Variants in GPR18 observed in about 807,000 individuals in gnomAD.
GPR18 encodes the protein G protein-coupled receptor 18, also known as N-arachidonyl glycine receptor.
GPR18 carries 20 observed loss-of-function variants against 22.8 expected under a neutral mutation model. The ratio of observed to expected loss-of-function variants is 0.88; its 90% confidence interval spans 0.62 to 1.28. GPR18 has a LOEUF of 1.28. GPR18 is among the 50% of genes most tolerant of loss of function. GPR18 has a pLI of 0.00. For missense variants in GPR18, 379 were observed against 412.0 expected (o/e 0.92, Z 0.69); for synonymous variants, 160 against 155.3 (o/e 1.03, Z -0.22).
At position 99,255,302 on chromosome 13, in the gene GPR18, G is replaced by A. The variant is rs955035338; in HGVS notation, c.571C>T (p.Arg191Ter). 3.7e-6 allele frequency: 6 copies of A among 1,613,996 alleles called. No homozygotes were observed. Among genetic ancestry groups the A allele is most frequent in the Admixed American group, 3.3e-5 (2 of 59,986 alleles). ...LKAVNVLNLT[R>*]LTFFFLIPLF... Reference sequence around the variant, plus strand: ...GGAATCAAGAAAAAAAATGTCAGTCGAGTGAGGTTCAGCACGTTCACAGCT... The same window carrying A: ...GGAATCAAGAAAAAAAATGTCAGTCAAGTGAGGTTCAGCACGTTCACAGCT... Residue 191 changes from arginine to a stop codon, truncating the protein, a stop_gained, in exon 2 of 2, where the codon CGA (arginine) becomes TGA (stop). Coordinates refer to ENST00000397470, the MANE Select transcript of GPR18 (RefSeq NM_001098200.2). LOFTEE classifies it high-confidence loss of function.
In GPR18 at chr13:99,254,941, C is replaced by A. The variant is rs767096993; in HGVS notation, c.932G>T (p.Arg311Leu). The change falls in exon 2 of 2, where the codon CGC (arginine) becomes CTC (leucine). Residue 311 changes from arginine to leucine, a missense_variant. Transcript: ENST00000397470. ...ACTACCAGATCGGAAACTTTTTCTG[C>A]GCATGCTTCGAAGGTAATTACGGTA... ...MLYRNYLRSM[R>L]RKSFRSGSLR... The A allele has an allele frequency of 9.2e-5, 148 of 1,613,798 alleles. No homozygotes were observed. Among genetic ancestry groups the A allele is most frequent in the Non-Finnish European group, 1.2e-4 (142 of 1,179,910 alleles).
chr13:99,257,308 A>C (rs565962966), intron 1 of GPR18, among the ~76,000 whole-genome samples: 2 of 152,326 alleles, frequency 1.3e-5, no homozygotes, highest in South Asian at 2.1e-4. Flanking sequence ...TTGGAGGCTT[A>C]AATCTTATTT....
At chr13:99,256,560 A>G (rs1057056107) in intron 1 of GPR18, 1 of 152,164 alleles carries the variant, frequency 6.6e-6, no homozygotes, top group South Asian at 2.1e-4. Context: ...TCATATCCTC[A>G]TTCCATCTAG....
chr13:99,255,123 G>A lies in GPR18; in HGVS notation c.750C>T (p.Ile250=). Residue 250 remains isoleucine (I), a synonymous_variant, in exon 2 of 2, where the codon ATC becomes ATT. Transcript: ENST00000397470. The part of the protein sequence containing the change: ...QVLVCFMPFH[I]CFAFLMLGTG... ...TTCCCAGCATCAGGAAAGCGAAACA[G>A]ATGTGGAAGGGCATAAAGCAGACGA... 1 of 1,614,174 alleles carries A rather than the reference G, an allele frequency of 6.2e-7. No homozygotes were observed. The highest frequency in any genetic ancestry group is 1.1e-5 in the South Asian group (1 of 91,078).
Position 99,255,818 on chromosome 13 carries a change from C to G in GPR18, c.55G>C (p.Asp19His). 1 of 1,608,338 alleles carries G rather than the reference C, an allele frequency of 6.2e-7. No individual in the cohort carries two copies. The highest frequency in any genetic ancestry group is 8.5e-7 in the Non-Finnish European group (1 of 1,177,232). Reference sequence around the variant, plus strand: ...ACAAGGGCTGCAATTTTGTATTCATCTGGATGTGAGCTGTTAAAAGGGACA... The same window carrying G: ...ACAAGGGCTGCAATTTTGTATTCATGTGGATGTGAGCTGTTAAAAGGGACA... ...QPVPFNSSHP[D>H]EYKIAALVFY... The change falls in exon 2 of 2, where the codon GAT becomes CAT. Residue 19 changes from aspartate to histidine, a missense_variant. Transcript: ENST00000397470.
chr13:99,257,776 A>C (rs1346591238), intron 1 of GPR18, among the ~76,000 whole-genome samples: 1 of 152,214 alleles, frequency 6.6e-6, no homozygotes, highest in South Asian at 2.1e-4. Flanking sequence ...CTAAATATAC[A>C]TATGATTTAC....
intron 1 of GPR18, among the ~76,000 whole-genome samples, chr13:99,257,113 C>A (rs2043576337): frequency 6.6e-6 from 1 of 152,118 alleles, no homozygotes; most frequent in South Asian, 2.1e-4. Flanking sequence ...CCCTTTCTTC[C>A]CTTCTTCTCC....
Position 99,254,950 on chromosome 13 carries a change from C to T in GPR18, c.923G>A (p.Arg308Gln), listed in dbSNP as rs2043516399. 4 of 1,613,864 alleles carry T rather than the reference C, an allele frequency of 2.5e-6. No homozygotes were observed. The highest frequency in any genetic ancestry group is 4.5e-5 in the East Asian group (2 of 44,874). Reference protein sequence around the residue: ...ISVMLYRNYLRSMRRKSFRSG... With the variant: ...ISVMLYRNYLQSMRRKSFRSG... ...TCGGAAACTTTTTCTGCGCATGCTT[C>T]GAAGGTAATTACGGTATAGCATGAC... The change falls in exon 2 of 2, where the codon CGA becomes CAA. Residue 308 changes from arginine (R) to glutamine (Q), a missense_variant. Physicochemically the swap from Arg to Gln is conservative, Grantham distance 43. Coordinates refer to ENST00000397470, the MANE Select transcript of GPR18 (RefSeq NM_001098200.2).
Position 99,255,500 on chromosome 13 carries a change from G to A in GPR18, c.373C>T (p.Gln125Ter), listed in dbSNP as rs111938999. ...ISADRYMAIV[Q>*]PKYAKELKNT... ...TTAAGTTCTTTGGCGTACTTCGGCTGTACAATGGCCATGTATCTGTCAGCA... is the reference window on the plus strand; with the variant it reads ...TTAAGTTCTTTGGCGTACTTCGGCTATACAATGGCCATGTATCTGTCAGCA... Residue 125 changes from glutamine to a stop codon, truncating the protein, a stop_gained, in exon 2 of 2, where the codon CAG becomes TAG. Coordinates refer to ENST00000397470, the MANE Select transcript of GPR18 (RefSeq NM_001098200.2). LOFTEE classifies it high-confidence loss of function. 2.5e-6 allele frequency: 4 copies of A among 1,614,002 alleles called. No individual in the cohort carries two copies. The African/African-American group carries it at 4.0e-5, about 16-fold the overall frequency.
chr13:99,257,848 T>C (rs542855618), intron 1 of GPR18, among the ~76,000 whole-genome samples: 1 of 152,352 alleles, frequency 6.6e-6, no homozygotes, highest in South Asian at 2.1e-4. Flanking sequence ...TAAAGCAATA[T>C]TGAAAATAAA....
chr13:99,256,163 A>AT (rs2043552426), intron 1 of GPR18, among the ~76,000 whole-genome samples: 2 of 152,232 alleles, frequency 1.3e-5, no homozygotes, highest in South Asian at 4.1e-4. Flanking sequence ...TATTTACTGA[A>AT]TTGATGAATA....
chr13:99,257,234 A>G (rs917302547), intron 1 of GPR18, among the ~76,000 whole-genome samples: 1 of 152,224 alleles, frequency 6.6e-6, no homozygotes, highest in Non-Finnish European at 1.5e-5. Flanking sequence ...ATTAATTTCT[A>G]TCAAATGAGG....
Position 99,254,870 on chromosome 13 carries a change from T to G in GPR18, c.*7A>C, listed in dbSNP as rs1225128333. 1.9e-6 allele frequency: 3 copies of G among 1,599,464 alleles called. No homozygotes were observed. Among genetic ancestry groups the G allele is most frequent in the African/African-American group, 2.7e-5 (2 of 74,620 alleles). On this transcript the variant is annotated 3_prime_UTR_variant, in exon 2 of 2. Transcript: ENST00000397470. ...TTGATGGGATTGAAATGAAAGAACC[T>G]TATTATTCATAACATTTCACTGTTT...
intron 1 of GPR18, 134 bp from the exon 2 acceptor site, chr13:99,256,040 T>C: frequency 1.7e-6 from 1 of 602,246 alleles, no homozygotes; most frequent in Non-Finnish European, 2.8e-6. Context: ...TTCAACTGGT[T>C]AACTACTGAA....
chr13:99,255,309 G>T lies in GPR18; in HGVS notation c.564C>A (p.Asn188Lys). 1 of 1,614,142 alleles carries T rather than the reference G, an allele frequency of 6.2e-7. No homozygotes were observed. The highest frequency in any genetic ancestry group is 8.5e-7 in the Non-Finnish European group (1 of 1,180,020). Reference sequence around the variant, plus strand: ...AGAAAAAAAATGTCAGTCGAGTGAGGTTCAGCACGTTCACAGCTTTTAGAT... The same window carrying T: ...AGAAAAAAAATGTCAGTCGAGTGAGTTTCAGCACGTTCACAGCTTTTAGAT... Reference protein sequence around the residue: ...IIYLKAVNVLNLTRLTFFFLI... With the variant: ...IIYLKAVNVLKLTRLTFFFLI... The change falls in exon 2 of 2, where the codon AAC becomes AAA. Residue 188 changes from asparagine to lysine, a missense_variant. Coordinates refer to ENST00000397470, the MANE Select transcript of GPR18 (RefSeq NM_001098200.2).
At position 99,255,450 on chromosome 13, in the gene GPR18, C is replaced by T. The variant is rs745356452; in HGVS notation, c.423G>A (p.Ala141=). The change falls in exon 2 of 2, where the codon GCG becomes GCA. Residue 141 remains alanine (A), a synonymous_variant. Coordinates refer to ENST00000397470, the MANE Select transcript of GPR18 (RefSeq NM_001098200.2). The stretch of plus-strand genomic sequence containing the variant: ...GGGTCATTATCCAGACTCCCACACA[C>T]GCCAGCACGGCTTTGCACGTGTTTT... The part of the protein sequence containing the change: ...ELKNTCKAVL[A]CVGVWIMTLT... The T allele has an allele frequency of 3.2e-5, 51 of 1,613,898 alleles. No homozygotes were observed. Among genetic ancestry groups the T allele is most frequent in the Admixed American group, 2.5e-4 (15 of 59,996 alleles).
rs750126175 is a variant in GPR18, at chr13:99,254,826, GTAGT to G, written c.*47_*50del. The G allele has an allele frequency of 4.3e-6, 6 of 1,395,914 alleles. No individual in the cohort carries two copies. The South Asian group carries it at 7.8e-5, about 18-fold the overall frequency. 86.5% of individuals were successfully genotyped at this position (1,395,914 alleles called of 1,614,324 possible). ...ATACAGAATATCCATTGACGCCAGA[GTAGT>G]TAGTGAAGTGAATTTTGATGGGATT... On this transcript the variant is annotated 3_prime_UTR_variant, in exon 2 of 2. Transcript: ENST00000397470.
chr13:99,255,234 A>G lies in GPR18; in HGVS notation c.639T>C (p.Asn213=). ...GCTTAGACGTCCTGCCGTGAAGGAGATTATGAATAATGACCAAGTAGCACC... is the reference window on the plus strand; with the variant it reads ...GCTTAGACGTCCTGCCGTGAAGGAGGTTATGAATAATGACCAAGTAGCACC... The part of the protein sequence containing the change: ...MIGCYLVIIH[N]LLHGRTSKLK... Residue 213 remains asparagine (N), a synonymous_variant, in exon 2 of 2, where the codon AAT becomes AAC. Coordinates refer to ENST00000397470, the MANE Select transcript of GPR18 (RefSeq NM_001098200.2). 8.7e-6 allele frequency: 14 copies of G among 1,614,092 alleles called. No individual in the cohort carries two copies. Among genetic ancestry groups the G allele is most frequent in the Non-Finnish European group, 1.2e-5 (14 of 1,180,000 alleles).
chr13:99,256,756 G>GACTCCTC (rs2043568052), intron 1 of GPR18, among the ~76,000 whole-genome samples: 2 of 150,286 alleles, frequency 1.3e-5, no homozygotes, highest in Non-Finnish European at 2.9e-5. Flanking sequence ...AGGTTATTTG[G>GACTCCTC]GGTTGCAAAT....
Sources: allele counts gnomAD v4.1 joint callset (sites outside exome capture counted in the v4.1 genomes callset), GRCh38; gene constraint gnomAD v4.1.1; transcripts MANE v1.5; gene names NCBI Gene and HGNC (gene_info 2026-07-23, HGNC 2026-07-21).